Variants in GLIS3 observed in about 807,000 individuals in gnomAD.
The protein encoded by GLIS3 is GLIS family zinc finger 3, also known as zinc finger protein GLIS3.
Under a neutral mutation model 78.6 loss-of-function variants are expected in GLIS3, and 53 were observed. The ratio of observed to expected loss-of-function variants is 0.67; its 90% CI spans 0.54 to 0.85. The LOEUF is 0.85. Ranked by LOEUF, GLIS3 falls within the 40% of genes least tolerant of loss-of-function variation. The probability of loss-of-function intolerance (pLI) is 0.00; values close to 1 mark genes in which losing one functional copy is unlikely to be tolerated. For missense variants in GLIS3, 1,703 were observed against 1,231.1 expected, an observed-to-expected ratio of 1.38 and a Z score of -5.74; for synonymous variants, 684 against 509.9, an observed-to-expected ratio of 1.34 and a Z score of -4.60.
At chr9:4,198,683 C>A (rs955725179) in intron 2 of GLIS3, among the ~76,000 whole-genome samples, 1 of 152,050 alleles carries the variant, frequency 6.6e-6, no homozygotes, top group Non-Finnish European at 1.5e-5. Flanking sequence ...GCTAGAGAGG[C>A]AGACACCTAG....
Position 4,338,409 on chromosome 9 carries a change from C to A in GLIS3, n.264+8672G>T, listed in dbSNP as rs371452586. Among the ~76,000 whole-genome samples the A allele has an allele frequency of 7.8e-3, 1,176 of 150,998 alleles. 18 individuals carry two copies. The highest frequency in any genetic ancestry group is 0.027 in the African/African-American group (1,085 of 40,764). ...ACACATACACACACACACACACACA[C>A]AATTTTTTAAACAAGCTCCCTGGAT... On this transcript the variant is annotated intron_variant and non_coding_transcript_variant, in intron 2 of 4. Transcript: ENST00000471664.
At chr9:4,389,863 T>G in the GLIS3 span, among the ~76,000 whole-genome samples, 1 of 152,228 alleles carries the variant, frequency 6.6e-6, no homozygotes, top group Admixed American at 6.5e-5. Flanking sequence ...TGGTTTATCC[T>G]GCCAGGCAGC....
At chr9:3,956,621 A>T (rs962169764) in intron 4 of GLIS3, among the ~76,000 whole-genome samples, 1 of 152,034 alleles carries the variant, frequency 6.6e-6, no homozygotes, top group African/African-American at 2.4e-5. Context: ...CGTTGCATGG[A>T]GGGTTTTTTT....
the GLIS3 span, among the ~76,000 whole-genome samples, chr9:4,443,120 C>T: frequency 1.3e-5 from 2 of 152,074 alleles, no homozygotes; most frequent in Non-Finnish European, 2.9e-5. Context: ...AGTCCCATTC[C>T]GGTACTAGCT....
intron 2 of GLIS3, chr9:4,152,103 GC>G: frequency 7.2e-6 from 7 of 977,032 alleles, no homozygotes; most frequent in Non-Finnish European, 8.5e-6. Context: ...TTTTTCTACG[GC>G]CATTCAAACC....
At chr9:4,142,802 G>T (rs1833909129) in intron 2 of GLIS3, among the ~76,000 whole-genome samples, 1 of 152,052 alleles carries the variant, frequency 6.6e-6, no homozygotes, top group Non-Finnish European at 1.5e-5. Flanking sequence ...TCTCAAAATG[G>T]AATCAATACA....
At chr9:4,011,336 C>T (rs538933762) in intron 4 of GLIS3, among the ~76,000 whole-genome samples, 1 of 152,220 alleles carries the variant, frequency 6.6e-6, no homozygotes, top group Non-Finnish European at 1.5e-5. Context: ...TCTCTGTCCT[C>T]AAGGAGTTTG....
chr9:4,422,961 G>A, the GLIS3 span, among the ~76,000 whole-genome samples: 1 of 152,170 alleles, frequency 6.6e-6, no homozygotes, highest in Non-Finnish European at 1.5e-5. Flanking sequence ...CCCTGTTTTT[G>A]GAGAAAGAAG....
At chr9:3,907,518 A>C (rs374162007) in intron 6 of GLIS3, among the ~76,000 whole-genome samples, 2 of 151,572 alleles carry the variant, frequency 1.3e-5, no homozygotes, top group South Asian at 2.1e-4. Flanking sequence ...TTCGATTAGC[A>C]ATGTGCTGCC....
intron 2 of GLIS3, among the ~76,000 whole-genome samples, chr9:4,213,436 C>G (rs1257769094): frequency 6.6e-6 from 1 of 152,230 alleles, no homozygotes; most frequent in Admixed American, 6.5e-5. Flanking sequence ...TGTCACTAAA[C>G]AAGGACTGTC....
At chr9:4,287,113 C>T (rs6476836) in intron 1 of GLIS3, among the ~76,000 whole-genome samples, 139,576 of 152,174 alleles carry the variant, frequency 0.92, 64,731 homozygotes, top group Non-Finnish European at 0.98. Context: ...TTCAAATATT[C>T]ATGGCAGCAT....
intron 2 of GLIS3, among the ~76,000 whole-genome samples, chr9:4,264,384 T>A (rs1825801689): frequency 6.6e-6 from 1 of 152,236 alleles, no homozygotes; most frequent in African/African-American, 2.4e-5. Flanking sequence ...TGTCTTGTTT[T>A]CACTCTTGCT....
the GLIS3 span, among the ~76,000 whole-genome samples, chr9:4,442,930 G>A: frequency 4.6e-5 from 7 of 152,232 alleles, no homozygotes; most frequent in South Asian, 1.5e-3. Flanking sequence ...TCCCTAGGGT[G>A]ATAATTGAGG....
At chr9:4,344,464 C>A (rs34601259) in intron 2 of GLIS3, among the ~76,000 whole-genome samples, 46,312 of 152,082 alleles carry the variant, frequency 0.3, 7,506 homozygotes, top group Non-Finnish European at 0.36. Flanking sequence ...TTCGTTATCA[C>A]GTCTTCTCTG....
the GLIS3 span, among the ~76,000 whole-genome samples, chr9:4,372,526 A>T: frequency 6.7e-6 from 1 of 148,726 alleles, no homozygotes; most frequent in East Asian, 2.0e-4. Context: ...TTCAGGAGGC[A>T]ATACTCCTCT....
At chr9:4,008,378 C>T (rs879933296) in intron 4 of GLIS3, among the ~76,000 whole-genome samples, 2 of 152,122 alleles carry the variant, frequency 1.3e-5, no homozygotes, top group Non-Finnish European at 2.9e-5. Context: ...GTGGCCAGTG[C>T]CATTTTCCCT....
In GLIS3 at chr9:4,195,470, C is replaced by A. The variant is rs887396832; in HGVS notation, c.389-69529G>T. On this transcript the variant is annotated intron_variant, in intron 2 of 10. Coordinates refer to ENST00000381971, the MANE Select transcript of GLIS3 (RefSeq NM_001042413.2). Reference sequence around the variant, plus strand: ...AGCAGCTGCAGAGGGGATGCCGGGTCCCCCAGCACTGCCGGCCCGCCAGCA... The same window carrying A: ...AGCAGCTGCAGAGGGGATGCCGGGTACCCCAGCACTGCCGGCCCGCCAGCA... Among the ~76,000 whole-genome samples, 4 of 152,328 alleles carry A rather than the reference C, an allele frequency of 2.6e-5. No homozygotes were observed. The East Asian group carries it at 7.7e-4, about 29-fold the overall frequency.
intron 4 of GLIS3, among the ~76,000 whole-genome samples, chr9:3,964,414 G>A (rs1479773269): frequency 2.6e-5 from 4 of 151,912 alleles, no homozygotes; most frequent in Non-Finnish European, 4.4e-5. Context: ...AGGTCAAGAC[G>A]TTACCCCCCC....
the GLIS3 span, among the ~76,000 whole-genome samples, chr9:4,361,939 C>A: frequency 1.3e-5 from 2 of 152,116 alleles, no homozygotes; most frequent in Non-Finnish European, 2.9e-5. Context: ...TCTCCTCATC[C>A]AAAAGAAAGA....
Sources: allele counts gnomAD v4.1 joint callset (sites outside exome capture counted in the v4.1 genomes callset), GRCh38; gene constraint gnomAD v4.1.1; transcripts MANE v1.5; gene names NCBI Gene and HGNC (gene_info 2026-07-23, HGNC 2026-07-21).